Variants in DCLRE1C observed in about 807,000 individuals in gnomAD.
DCLRE1C encodes the protein DNA cross-link repair 1C, also known as protein artemis.
A neutral mutation model predicts 61.4 loss-of-function variants in DCLRE1C; 47 were observed. That is an observed-to-expected ratio of 0.77 (90% CI 0.61 to 0.98). The LOEUF is 0.98. Among genes scored for constraint, DCLRE1C ranks in the 50% least tolerant of loss-of-function variants. DCLRE1C has a pLI of 0.00. For synonymous variants in DCLRE1C, 337 were observed against 287.6 expected (o/e 1.17, Z -1.74); for missense variants, 858 against 816.0 (o/e 1.05, Z -0.63).
rs760288938 is a variant in DCLRE1C at position 14,908,583 on chromosome 10, CT to C, written c.1903del (p.Ser635ValfsTer3). 1.9e-6 allele frequency: 3 copies of C among 1,614,012 alleles called. No individual in the cohort carries two copies. The highest frequency in any genetic ancestry group is 1.3e-5 in the African/African-American group (1 of 74,912). ...SSETHIPEEK[S>X]LLNLSTNADS... The stretch of plus-strand genomic sequence containing the variant: ...TGCATTTGTGCTAAGATTTAGCAAA[CT>C]TTTTTCCTCGGGTATATGTGTCTCA... On this transcript the variant is annotated frameshift_variant, in exon 14 of 14. Transcript: ENST00000378278. LOFTEE classifies it high-confidence loss of function.
chr10:14,902,745 A>C (rs1588869329), downstream of DCLRE1C: 1 of 316,012 alleles, frequency 3.2e-6, no homozygotes, highest in South Asian at 5.7e-5. Context: ...AAACTAATGG[A>C]AGGCAGACTA....
At chr10:14,954,192 C>T (rs113224917), upstream of DCLRE1C, 1 of 975,210 alleles carries the variant, frequency 1.0e-6, no homozygotes, top group Non-Finnish European at 1.5e-6. Flanking sequence ...CGGTCGGGTT[C>T]TAGGCGCCCG....
intron 13 of DCLRE1C, among the ~76,000 whole-genome samples, chr10:14,919,486 A>G (rs746604078): frequency 1.3e-5 from 2 of 152,218 alleles, no homozygotes; most frequent in Non-Finnish European, 2.9e-5. Flanking sequence ...GTGTATTTCC[A>G]GAAAGCTGAG....
In DCLRE1C at chr10:14,945,159, C is replaced by A; in HGVS notation, c.192G>T (p.Val64=). ...GGCTCGTTAACAACAACTCCTTAGT[C>A]ACAGGTGAACAGTATAGATAAACCT... The part of the protein sequence containing the change: ...SLKVYLYCSP[V]TKELLLTSPK... Residue 64 remains valine (V), a synonymous_variant, in exon 3 of 14, where the codon GTG becomes GTT. Transcript: ENST00000378278. 1 of 1,612,848 alleles carries A rather than the reference C, an allele frequency of 6.2e-7. No individual in the cohort carries two copies. Among genetic ancestry groups the A allele is most frequent in the South Asian group, 1.1e-5 (1 of 90,748 alleles).
chr10:14,902,395 T>C (rs1481331474), downstream of DCLRE1C: 5 of 1,567,358 alleles, frequency 3.2e-6, no homozygotes, highest in Non-Finnish European at 4.3e-6. Context: ...TTTCTTTTTC[T>C]GTGTCTTCAG....
Position 14,905,799 on chromosome 10 carries a change from A to G in DCLRE1C, c.*2609T>C, listed in dbSNP as rs1272997463. ...CAGGAGTTCAAGACCAGTCTGACCA[A>G]TATGGTGAAACCCTGTCTCTACTAA... On this transcript the variant is annotated 3_prime_UTR_variant, in exon 14 of 14. Transcript: ENST00000378278. Among the ~76,000 whole-genome samples, 6 of 152,122 alleles carry G rather than the reference A, an allele frequency of 3.9e-5. No homozygotes were observed.
chr10:14,945,149 A>G lies in DCLRE1C; in HGVS notation c.202T>C (p.Leu68=), dbSNP rs1218283192. The G allele has an allele frequency of 6.2e-7, 1 of 1,613,036 alleles. No homozygotes were observed. The highest frequency in any genetic ancestry group is 8.5e-7 in the Non-Finnish European group (1 of 1,179,680). Residue 68 remains leucine (L), a synonymous_variant, in exon 3 of 14, where the codon TTG becomes CTG. Coordinates refer to ENST00000378278, the MANE Select transcript of DCLRE1C (RefSeq NM_001033855.3). ...YLYCSPVTKE[L]LLTSPKYRFW... is the part of the protein sequence containing the mutation. ...CTGTATTTCGGGCTCGTTAACAACA[A>G]CTCCTTAGTCACAGGTGAACAGTAT... is the stretch of plus-strand genomic sequence containing the variant.
rs750020058 is a variant in DCLRE1C at position 14,908,165 on chromosome 10, C to CTTTT, written c.*239_*242dup. 932 of 197,788 alleles carry CTTTT rather than the reference C, an allele frequency of 4.7e-3. 114 individuals carry two copies. The highest frequency in any genetic ancestry group is 0.035 in the African/African-American group (683 of 19,458). 12.3% of individuals were successfully genotyped at this position (197,788 alleles called of 1,614,324 possible). On this transcript the variant is annotated 3_prime_UTR_variant, in exon 14 of 14. Transcript: ENST00000378278. Reference sequence around the variant, plus strand: ...CAGAGTAGCCCACCACCATGCCTGGCTTTTTTTTTTTTTTTTTTTTTTGTA... The same window carrying CTTTT: ...CAGAGTAGCCCACCACCATGCCTGGCTTTTTTTTTTTTTTTTTTTTTTTTTTGTA...
chr10:14,945,543 C>T (rs373456309), intron 2 of DCLRE1C: 87 of 1,094,968 alleles, frequency 7.9e-5, no homozygotes, highest in Non-Finnish European at 7.9e-5. Context: ...TGGAAATACG[C>T]GCTTGTATGT....
At chr10:14,902,778 C>T, downstream of DCLRE1C, 1 of 224,368 alleles carries the variant, frequency 4.5e-6, no homozygotes, top group Non-Finnish European at 8.8e-6. Context: ...TATATGTGTA[C>T]TTAAGTCTAT....
intron 3 of DCLRE1C, among the ~76,000 whole-genome samples, chr10:14,943,475 A>T (rs1389967992): frequency 6.6e-6 from 1 of 151,932 alleles, no homozygotes; most frequent in African/African-American, 2.4e-5. Flanking sequence ...CTTCCCCCAA[A>T]ATTTCAAATT....
chr10:14,942,060 T>G (rs1840942517), intron 3 of DCLRE1C: 1 of 152,200 alleles, frequency 6.6e-6, no homozygotes, highest in East Asian at 1.9e-4. Context: ...AGTAGGGATT[T>G]TTTAATGCTC....
chr10:14,915,206 G>A lies in DCLRE1C; in HGVS notation c.1156+4532C>T, dbSNP rs572133681. 7.3e-4 allele frequency among the ~76,000 whole-genome samples: 111 copies of A among 151,966 alleles called. 1 individual carries two copies. Among genetic ancestry groups the A allele is most frequent in the African/African-American group, 2.3e-3 (96 of 41,476 alleles). ...TTAGAAAATAAGGTCTCAAATCAAC[G>A]ACCTCAGCTTCCATATTAAGAAACT... On this transcript the variant is annotated intron_variant, in intron 13 of 13. Coordinates refer to ENST00000378278, the MANE Select transcript of DCLRE1C (RefSeq NM_001033855.3).
Position 14,954,079 on chromosome 10 carries a change from C to T in DCLRE1C, c.-69G>A. On this transcript the variant is annotated 5_prime_UTR_variant, in exon 1 of 14. Coordinates refer to ENST00000378278, the MANE Select transcript of DCLRE1C (RefSeq NM_001033855.3). ...AAGCCAAGGCCAGCCCTGACCGCGC[C>T]GCCACTTCCGGGAAGCCGCGCGCTG... The T allele has an allele frequency of 6.2e-7, 1 of 1,604,770 alleles. No individual in the cohort carries two copies. The highest frequency in any genetic ancestry group is 8.5e-7 in the Non-Finnish European group (1 of 1,177,586).
rs1837658809 is a variant in DCLRE1C, at chr10:14,924,664, C to T, written c.973-1595G>A. ...GAGTTCGAGACCAACCTGGCTAACA[C>T]GGTGAAACCCCGTCTCTACTAAAAA... On this transcript the variant is annotated intron_variant, in intron 11 of 13. Transcript: ENST00000378278. 3.3e-5 allele frequency among the ~76,000 whole-genome samples: 5 copies of T among 151,834 alleles called. No homozygotes were observed. The South Asian group carries it at 6.2e-4, about 19-fold the overall frequency.
At chr10:14,949,272 C>G (rs112438491) in intron 1 of DCLRE1C, among the ~76,000 whole-genome samples, 185 bp from the exon 2 acceptor site, 1 of 152,164 alleles carries the variant, frequency 6.6e-6, no homozygotes, top group South Asian at 2.1e-4. Context: ...AGAACAGGAC[C>G]GGCTGCCCAT....
chr10:14,926,341 G>A (rs1196004699), intron 11 of DCLRE1C, among the ~76,000 whole-genome samples: 1 of 152,158 alleles, frequency 6.6e-6, no homozygotes, highest in East Asian at 1.9e-4. Flanking sequence ...CAGTTTCAGT[G>A]AGTAGGCCAA....
At chr10:14,898,226 T>C (rs1833738428) in exon 14 of DCLRE1C, 1 of 142,942 alleles carries the variant, frequency 7.0e-6, no homozygotes, top group East Asian at 2.0e-4. Context: ...TTTTTTTTTT[T>C]TTTTGAGAAG....
rs1834758094 is a variant in DCLRE1C, at chr10:14,908,806, A to G, written c.1681T>C (p.Ser561Pro). 1.9e-6 allele frequency: 3 copies of G among 1,614,212 alleles called. No individual in the cohort carries two copies. Among genetic ancestry groups the G allele is most frequent in the East Asian group, 4.5e-5 (2 of 44,882 alleles). ...TCCCCACTGTTTCTCTCTTGGGAAGATAACAAAACAGTATCAGATTGGCTG... is the reference window on the plus strand; with the variant it reads ...TCCCCACTGTTTCTCTCTTGGGAAGGTAACAAAACAGTATCAGATTGGCTG... Reference protein sequence around the residue: ...WDSQSDTVLLSSQERNSGDIT... With the variant: ...WDSQSDTVLLPSQERNSGDIT... Residue 561 changes from serine (S) to proline (P), a missense_variant, in exon 14 of 14, where the codon TCT becomes CCT. Physicochemically the swap from Ser to Pro is moderately conservative, Grantham distance 74. This residue lies in a region of DCLRE1C where 843 missense variants were observed against 783.5 expected (regional missense o/e 1.08). Coordinates refer to ENST00000378278, the MANE Select transcript of DCLRE1C (RefSeq NM_001033855.3).
Sources: gnomAD v4.1 joint callset for allele counts (sites outside exome capture counted in the v4.1 genomes callset) on GRCh38, gnomAD v4.1.1 for gene constraint, gnomAD v4.1.1 regional missense constraint, MANE v1.5 for transcripts, NCBI Gene and HGNC (gene_info 2026-07-23, HGNC 2026-07-21) for gene names.